GALNTL5: variants seen among roughly 807,000 people sequenced by gnomAD.
The protein encoded by GALNTL5 is inactive polypeptide N-acetylgalactosaminyltransferase-like protein 5.
GALNTL5 carries 44 observed loss-of-function variants against 51.0 expected under a neutral mutation model. The observed-to-expected ratio is 0.86, with a 90% CI of 0.68 to 1.11. The LOEUF (loss-of-function observed/expected upper bound fraction) is 1.11. GALNTL5 is among the 50% of genes least tolerant of loss of function. GALNTL5 has a pLI of 0.00. For synonymous variants in GALNTL5, 192 were observed against 182.8 expected, an observed-to-expected ratio of 1.05 and a Z score of -0.41; for missense variants, 528 against 531.8, an observed-to-expected ratio of 0.99 and a Z score of 0.07.
intron 5 of GALNTL5, among the ~76,000 whole-genome samples, chr7:151,995,856 C>T (rs79289671): frequency 0.071 from 10,761 of 152,086 alleles, 721 homozygotes; most frequent in East Asian, 0.32. Flanking sequence ...GGTTTTAGAA[C>T]TCATCAGCCT....
chr7:151,966,793 C>T (rs2081066273), intron 1 of GALNTL5, among the ~76,000 whole-genome samples: 1 of 152,228 alleles, frequency 6.6e-6, no homozygotes, highest in Non-Finnish European at 1.5e-5. Flanking sequence ...ACAGTACTCA[C>T]TGCTCCCTTT....
chr7:152,013,655 G>A (rs1328644420), intron 7 of GALNTL5, among the ~76,000 whole-genome samples: 4 of 151,806 alleles, frequency 2.6e-5, no homozygotes, highest in Non-Finnish European at 4.4e-5. Flanking sequence ...CGTTCTTTGG[G>A]GTATTATTTT....
At chr7:151,993,606 T>G (rs1468070354) in intron 5 of GALNTL5, among the ~76,000 whole-genome samples, 1 of 152,172 alleles carries the variant, frequency 6.6e-6, no homozygotes, top group Non-Finnish European at 1.5e-5. Flanking sequence ...TTTTTCACAA[T>G]GTCTATGTGT....
At chr7:151,984,488 G>A (rs1201069344) in intron 4 of GALNTL5, among the ~76,000 whole-genome samples, 5 of 152,188 alleles carry the variant, frequency 3.3e-5, no homozygotes, top group Non-Finnish European at 5.9e-5. Flanking sequence ...ACCCTGCGGG[G>A]AAGTGACTCT....
intron 1 of GALNTL5, 78 bp from the exon 2 acceptor site, chr7:151,967,130 A>C: frequency 1.2e-6 from 1 of 856,830 alleles, no homozygotes; most frequent in South Asian, 1.7e-5. Flanking sequence ...AACACTAAAA[A>C]TGGAATTTAA....
At chr7:151,986,508 AC>A (rs1414179064) in intron 4 of GALNTL5, among the ~76,000 whole-genome samples, 1 of 151,826 alleles carries the variant, frequency 6.6e-6, no homozygotes, top group African/African-American at 2.4e-5. Flanking sequence ...TGTGGTGCAT[AC>A]CTGTAGTCCC....
chr7:151,956,758 A>AT (rs2080930826), intron 1 of GALNTL5, 149 bp downstream of exon 1: 1 of 152,080 alleles, frequency 6.6e-6, no homozygotes, highest in African/African-American at 2.4e-5. Context: ...GATTTATTTT[A>AT]TTTTTTAAAG....
chr7:151,972,578 C>A (rs1360906851), intron 3 of GALNTL5, among the ~76,000 whole-genome samples: 3 of 152,202 alleles, frequency 2.0e-5, no homozygotes, highest in Non-Finnish European at 4.4e-5. Flanking sequence ...GCCCAGGGCC[C>A]TGCTGTTCTG....
chr7:152,014,755 T>C lies in GALNTL5; in HGVS notation c.1138T>C (p.Tyr380His). 2 of 1,613,106 alleles carry C rather than the reference T, an allele frequency of 1.2e-6. No homozygotes were observed. The highest frequency in any genetic ancestry group is 1.7e-6 in the Non-Finnish European group (2 of 1,179,732). ...AATCATCAGTGCTATGACACATAAC[T>C]ACCTAAGACTGGTGCACGTTTGGCT... is the stretch of plus-strand genomic sequence containing the variant. ...STIISAMTHN[Y>H]LRLVHVWLDE... The change falls in exon 8 of 9, where the codon TAC becomes CAC. Residue 380 changes from tyrosine to histidine, a missense_variant. Coordinates refer to ENST00000392800, the MANE Select transcript of GALNTL5 (RefSeq NM_145292.4).
chr7:152,016,915 G>C (rs1370341803), intron 8 of GALNTL5, among the ~76,000 whole-genome samples: 2 of 151,878 alleles, frequency 1.3e-5, no homozygotes, highest in African/African-American at 4.8e-5. Context: ...GTGGGCACCT[G>C]TAATCCCAGC....
rs2081131741 is a variant in GALNTL5, at chr7:151,971,127, A to ATAGG, written c.368+65_368+66insGTAG. ...GATAGATAGATAGATAGATAGATAGATAGATAGATAGAAAGAAAACAGTTA... is the reference window on the plus strand; with the variant it reads ...GATAGATAGATAGATAGATAGATAGATAGGTAGATAGATAGAAAGAAAACAGTTA... On this transcript the variant is annotated intron_variant, in intron 3 of 8. Transcript: ENST00000392800. 6.1e-6 allele frequency: 8 copies of ATAGG among 1,306,220 alleles called. No homozygotes were observed. In the East Asian group the frequency reaches 1.7e-4, roughly 28 times the overall value. 80.9% of individuals were successfully genotyped at this position (1,306,220 alleles called of 1,614,324 possible). A position where few individuals can be genotyped will look rare whatever the true frequency, so the allele number is the denominator to read the frequency against.
chr7:151,996,511 G>A (rs778768150), intron 5 of GALNTL5, among the ~76,000 whole-genome samples: 1 of 152,112 alleles, frequency 6.6e-6, no homozygotes, highest in Non-Finnish European at 1.5e-5. Flanking sequence ...AGGCTGAGGC[G>A]GGAGGATTGC....
At chr7:151,967,882 A>C (rs2081079859) in intron 2 of GALNTL5, among the ~76,000 whole-genome samples, 1 of 152,058 alleles carries the variant, frequency 6.6e-6, no homozygotes, top group South Asian at 2.1e-4. Flanking sequence ...CCTAAGCAAA[A>C]TATTGTGTTC....
At chr7:151,981,684 T>TC (rs1413053883) in intron 3 of GALNTL5, among the ~76,000 whole-genome samples, 2 of 145,338 alleles carry the variant, frequency 1.4e-5, no homozygotes, top group African/African-American at 5.0e-5. Context: ...TTTCTTTCTT[T>TC]TTTTTTTTTT....
At chr7:151,967,612 T>A in intron 2 of GALNTL5, 119 bp downstream of exon 2, 8 of 732,098 alleles carry the variant, frequency 1.1e-5, no homozygotes, top group Non-Finnish European at 1.7e-5. Context: ...AAGATATAAA[T>A]TATTTTATAT....
chr7:152,002,602 A>C, intron 5 of GALNTL5, 112 bp from the exon 6 acceptor site: 2 of 1,129,124 alleles, frequency 1.8e-6, no homozygotes, highest in East Asian at 2.5e-5. Context: ...GCACTGTAAG[A>C]GCCAAACACA....
At chr7:151,973,028 C>T (rs1236751517) in intron 3 of GALNTL5, among the ~76,000 whole-genome samples, 3 of 152,048 alleles carry the variant, frequency 2.0e-5, no homozygotes, top group Non-Finnish European at 4.4e-5. Flanking sequence ...TCAACACCAG[C>T]CCTTGAAAGC....
At chr7:152,003,287 T>A (rs1276782867) in intron 6 of GALNTL5, among the ~76,000 whole-genome samples, 1 of 152,236 alleles carries the variant, frequency 6.6e-6, no homozygotes, top group Non-Finnish European at 1.5e-5. Context: ...CAGATCTGGT[T>A]TGAAGGAGAG....
chr7:151,976,823 A>C (rs2081212531), intron 3 of GALNTL5, among the ~76,000 whole-genome samples: 1 of 152,000 alleles, frequency 6.6e-6, no homozygotes, highest in African/African-American at 2.4e-5. Context: ...GTGCACCACC[A>C]CACCCGGTTA....
Sources: allele counts gnomAD v4.1 joint callset (sites outside exome capture counted in the v4.1 genomes callset), GRCh38; gene constraint gnomAD v4.1.1; transcripts MANE v1.5; gene names NCBI Gene and HGNC (gene_info 2026-07-23, HGNC 2026-07-21).